Variants in SORCS3 observed in about 807,000 individuals in gnomAD.
SORCS3 encodes sortilin related VPS10 domain containing receptor 3.
Under a neutral mutation model 146.3 loss-of-function variants are expected in SORCS3, and 57 were observed. The ratio of observed to expected loss-of-function variants is 0.39; its 90% CI spans 0.31 to 0.49. The LOEUF (loss-of-function observed/expected upper bound fraction) is 0.49. SORCS3 is among the 20% of genes least tolerant of loss of function. The pLI, the probability that SORCS3 is intolerant of heterozygous loss-of-function variation, is 0.92. For synonymous variants in SORCS3, 653 were observed against 618.5 expected (o/e 1.06, Z -0.83); for missense variants, 1,341 against 1,575.5 (o/e 0.85, Z 2.52).
intron 2 of SORCS3, among the ~76,000 whole-genome samples, chr10:104,887,290 A>G (rs2133580167): frequency 6.6e-6 from 1 of 152,314 alleles, no homozygotes; most frequent in East Asian, 1.9e-4. Context: ...AGGATGGATA[A>G]GAAAGAGCTG....
intron 1 of SORCS3, among the ~76,000 whole-genome samples, chr10:104,750,310 A>G (rs575523134): frequency 6.6e-6 from 1 of 152,228 alleles, no homozygotes; most frequent in Non-Finnish European, 1.5e-5. Context: ...AAAAATAAGC[A>G]GAATGGACCT....
chr10:105,087,032 G>A (rs1258943740), intron 5 of SORCS3, among the ~76,000 whole-genome samples: 1 of 152,002 alleles, frequency 6.6e-6, no homozygotes, highest in Non-Finnish European at 1.5e-5. Flanking sequence ...GTATTGCTTA[G>A]ACTTTCTTCT....
Position 105,129,332 on chromosome 10 carries a change from T to TCTCTC in SORCS3, c.1213-10065_1213-10064insCTCTC, listed in dbSNP as rs10695210. ...TTTCTCTTTTCTTTCTTTCTTTCTC[T>TCTCTC]TTTTTTTTTTTTTTTTTTTTTTTTT... is the stretch of plus-strand genomic sequence containing the variant. On this transcript the variant is annotated intron_variant, in intron 7 of 26. Transcript: ENST00000369701. 1.7e-3 allele frequency among the ~76,000 whole-genome samples: 95 copies of TCTCTC among 57,218 alleles called. 1 individual carries two copies. The South Asian group carries it at 0.022, about 13-fold the overall frequency. The allele number at this position is 57,218 out of a possible 152,430, so 37.5% of individuals were successfully genotyped here.
chr10:104,770,966 A>G lies in SORCS3; in HGVS notation c.628-71826A>G, dbSNP rs543727715. The stretch of plus-strand genomic sequence containing the variant: ...TTGTCATCTTTAACATTTTTTTCCC[A>G]CTATGCCTTCTAAACTGCCACTATG... On this transcript the variant is annotated intron_variant, in intron 1 of 26. Coordinates refer to ENST00000369701, the MANE Select transcript of SORCS3 (RefSeq NM_014978.3). Among the ~76,000 whole-genome samples the G allele has an allele frequency of 6.6e-5, 10 of 152,262 alleles. No individual in the cohort carries two copies. In the South Asian group the frequency reaches 2.1e-3, roughly 32 times the overall value.
At chr10:104,644,514 C>A (rs2015468166) in intron 1 of SORCS3, among the ~76,000 whole-genome samples, 1 of 152,198 alleles carries the variant, frequency 6.6e-6, no homozygotes, top group South Asian at 2.1e-4. Flanking sequence ...TCCTGTCCCC[C>A]TTTCCTGATG....
At chr10:105,009,672 G>GT (rs1031438415) in intron 4 of SORCS3, among the ~76,000 whole-genome samples, 2 of 151,800 alleles carry the variant, frequency 1.3e-5, no homozygotes, top group African/African-American at 4.8e-5. Flanking sequence ...TATTTTGAGT[G>GT]TTTTTTATGA....
At chr10:105,254,796 T>TA (rs528910878) in intron 23 of SORCS3, among the ~76,000 whole-genome samples, 3 of 150,700 alleles carry the variant, frequency 2.0e-5, no homozygotes, top group African/African-American at 7.3e-5. Flanking sequence ...AGATTCCATC[T>TA]AAAAAAAAAA....
intron 3 of SORCS3, among the ~76,000 whole-genome samples, chr10:104,933,877 C>T (rs2019234436): frequency 6.6e-6 from 1 of 152,160 alleles, no homozygotes; most frequent in South Asian, 2.1e-4. Flanking sequence ...TCACTGCAAC[C>T]TCCACAACCC....
At chr10:104,656,543 A>G (rs1176510575) in intron 1 of SORCS3, among the ~76,000 whole-genome samples, 1 of 152,154 alleles carries the variant, frequency 6.6e-6, no homozygotes, top group Admixed American at 6.5e-5. Context: ...TTGTGGTCCC[A>G]GCTACTCAGG....
rs1336708303 is a variant in SORCS3, at chr10:104,733,714, T to C, written c.627+91760T>C. ...GAGTGTTTTTCCCTCAGCTTTCCTC[T>C]GGGAAGCTCCAAGTTTGGTGCTTTG... On this transcript the variant is annotated intron_variant, in intron 1 of 26. Transcript: ENST00000369701. 2.0e-5 allele frequency among the ~76,000 whole-genome samples: 3 copies of C among 152,270 alleles called. No homozygotes were observed. In the South Asian group the frequency reaches 6.2e-4, roughly 32 times the overall value.
At chr10:104,701,820 G>A (rs940340306) in intron 1 of SORCS3, among the ~76,000 whole-genome samples, 27 of 151,404 alleles carry the variant, frequency 1.8e-4, no homozygotes, top group Non-Finnish European at 2.9e-4. Flanking sequence ...TTTTTTTTTC[G>A]GTATTGGGTA....
At chr10:105,207,778 G>C (rs1379850971) in intron 16 of SORCS3, among the ~76,000 whole-genome samples, 1 of 152,142 alleles carries the variant, frequency 6.6e-6, no homozygotes, top group African/African-American at 2.4e-5. Context: ...CAACATGCCT[G>C]GTGCACCTTT....
At chr10:105,083,986 C>A (rs2055642266) in intron 5 of SORCS3, among the ~76,000 whole-genome samples, 1 of 152,138 alleles carries the variant, frequency 6.6e-6, no homozygotes, top group Non-Finnish European at 1.5e-5. Flanking sequence ...CTCAAAGCCA[C>A]CTGCCTGGTT....
Position 104,641,981 on chromosome 10 carries a change from G to A in SORCS3, c.627+27G>A, listed in dbSNP as rs766531317. 4.1e-6 allele frequency: 5 copies of A among 1,214,168 alleles called. No homozygotes were observed. Among genetic ancestry groups the A allele is most frequent in the Non-Finnish European group, 4.3e-6 (4 of 937,568 alleles). 75.2% of individuals were successfully genotyped at this position (1,214,168 alleles called of 1,614,324 possible). On this transcript the variant is annotated intron_variant, in intron 1 of 26. Transcript: ENST00000369701. This position sits in a 1 kb window ranked among gnomAD's most constrained non-coding sequence, Gnocchi z 6.4. ...TGAGTACCCACCCGGCGGCGGGTCC[G>A]CCTGTTTCCTGACACCGAAGGGGAA...
At chr10:104,645,245 G>A (rs2015476854) in intron 1 of SORCS3, among the ~76,000 whole-genome samples, 1 of 152,192 alleles carries the variant, frequency 6.6e-6, no homozygotes, top group Non-Finnish European at 1.5e-5. Context: ...TGGAATCCTG[G>A]TGATTAATGG....
chr10:105,196,500 T>G (rs12266404), intron 14 of SORCS3, among the ~76,000 whole-genome samples: 50,047 of 151,876 alleles, frequency 0.33, 8,357 homozygotes, highest in South Asian at 0.48. Context: ...AGCTACTGGG[T>G]AGGCTGAGGC....
intron 4 of SORCS3, among the ~76,000 whole-genome samples, chr10:104,982,532 A>T (rs1368144846): frequency 1.3e-5 from 2 of 152,212 alleles, no homozygotes; most frequent in African/African-American, 4.8e-5. Context: ...TCCTCTGAGG[A>T]ATATGAGTGG....
chr10:104,951,114 T>A (rs939711810), intron 3 of SORCS3, among the ~76,000 whole-genome samples: 1 of 152,206 alleles, frequency 6.6e-6, no homozygotes, highest in African/African-American at 2.4e-5. Context: ...TCCTTCTTAG[T>A]CTTCACTAGT....
intron 2 of SORCS3, among the ~76,000 whole-genome samples, chr10:104,889,048 T>G (rs1300005208): frequency 6.6e-6 from 1 of 152,226 alleles, no homozygotes; most frequent in African/African-American, 2.4e-5. Flanking sequence ...AATATTTCTC[T>G]TTATCTGTGG....
Sources: allele counts gnomAD v4.1 joint callset (sites outside exome capture counted in the v4.1 genomes callset), GRCh38; gene constraint gnomAD v4.1.1; non-coding constraint Gnocchi (gnomAD v3.1); transcripts MANE v1.5; gene names NCBI Gene and HGNC (gene_info 2026-07-23, HGNC 2026-07-21).